The following WDR31 variants were observed in gnomAD, a reference collection of about 807,000 sequenced individuals.
WDR31 encodes the protein WD repeat domain 31.
WDR31 carries 30 observed loss-of-function variants against 47.3 expected under a neutral mutation model. The ratio of observed to expected loss-of-function variants is 0.63; its 90% CI spans 0.47 to 0.86. The LOEUF is 0.86. WDR31 is among the 40% of genes least tolerant of loss of function. The pLI is 0.00. For synonymous variants in WDR31, 137 were observed against 159.4 expected (o/e 0.86, Z 1.06); for missense variants, 406 against 442.9 (o/e 0.92, Z 0.75).
At chr9:113,333,442 C>T (rs1382607884) in intron 2 of WDR31, among the ~76,000 whole-genome samples, 7 of 140,850 alleles carry the variant, frequency 5.0e-5, no homozygotes, top group Non-Finnish European at 6.1e-5. Flanking sequence ...ACTGCAGTGG[C>T]GCAATCTCGG....
rs1459438954 is a variant in WDR31, at chr9:113,328,915, T to C, written c.290A>G (p.Lys97Arg). Residue 97 changes from lysine to arginine, a missense_variant, in exon 5 of 11, where the codon AAA (lysine) becomes AGA (arginine). Transcript: ENST00000374193. ...AYNWKTGNVV[K>R]RFKGHEHEIT... The stretch of plus-strand genomic sequence containing the variant: ...CTCATGTTCATGTCCTTTGAACCTT[T>C]TCACCACATTTCCAGTTTTCCAATT... 1.6e-5 allele frequency: 26 copies of C among 1,614,092 alleles called. No individual in the cohort carries two copies. Among genetic ancestry groups the C allele is most frequent in the Non-Finnish European group, 2.1e-5 (25 of 1,180,010 alleles).
chr9:113,322,245 GAC>G, intron 7 of WDR31, among the ~76,000 whole-genome samples: 1 of 151,944 alleles, frequency 6.6e-6, no homozygotes, highest in Non-Finnish European at 1.5e-5. Context: ...TGAAGACACA[GAC>G]ACTCTAAGAG....
intron 1 of WDR31, among the ~76,000 whole-genome samples, chr9:113,338,614 G>A (rs1156596004): frequency 7.1e-6 from 1 of 141,682 alleles, no homozygotes; most frequent in African/African-American, 2.5e-5. Flanking sequence ...TTGGTGGTAC[G>A]CTATTTTTTT....
Sources: allele counts gnomAD v4.1 joint callset (sites outside exome capture counted in the v4.1 genomes callset), GRCh38; gene constraint gnomAD v4.1.1; transcripts MANE v1.5; gene names NCBI Gene and HGNC (gene_info 2026-07-23, HGNC 2026-07-21).